The following MCPH1 variants were observed in gnomAD, a reference collection of about 807,000 sequenced individuals.
MCPH1 encodes the protein microcephalin.
A neutral mutation model predicts 84.5 loss-of-function variants in MCPH1; 104 were observed. That is an observed-to-expected ratio of 1.23 (90% CI 1.05 to 1.45). MCPH1 has a LOEUF of 1.45. MCPH1 is among the 40% of genes most tolerant of loss of function. The probability of loss-of-function intolerance (pLI) is 0.00; values close to 1 mark genes in which losing one functional copy is unlikely to be tolerated. For missense variants in MCPH1, 1,498 were observed against 1,005.7 expected (o/e 1.49, Z -6.62); for synonymous variants, 514 against 366.8 (o/e 1.40, Z -4.58).
chr8:6,521,167 T>C (rs1817261941), intron 12 of MCPH1: 1 of 1,606,534 alleles, frequency 6.2e-7, no homozygotes, highest in Non-Finnish European at 8.5e-7. Context: ...AAGCATGATA[T>C]GTAAACTTAC....
intron 12 of MCPH1, chr8:6,502,848 C>A: frequency 2.2e-6 from 1 of 448,728 alleles, no homozygotes; most frequent in Admixed American, 3.9e-5. Context: ...TTCTCAGCCT[C>A]GGGTTCATCT....
chr8:6,582,166 A>C (rs904811176), intron 12 of MCPH1, among the ~76,000 whole-genome samples: 1 of 152,212 alleles, frequency 6.6e-6, no homozygotes, highest in Non-Finnish European at 1.5e-5. Context: ...CTGCCTTCAC[A>C]TCTAACGTCA....
At position 6,437,407 on chromosome 8, in the gene MCPH1, T is replaced by G. The variant is rs567953637; in HGVS notation, c.436+1245T>G. On this transcript the variant is annotated intron_variant, in intron 5 of 13. Coordinates refer to ENST00000344683, the MANE Select transcript of MCPH1 (RefSeq NM_024596.5). ...CACCACGCCCAGCTGATTTTTGTAT[T>G]TTTAGTAGAAACAGGGTTTCACCAT... Among the ~76,000 whole-genome samples the G allele has an allele frequency of 7.9e-5, 12 of 152,140 alleles. No homozygotes were observed. The South Asian group carries it at 1.9e-3, about 24-fold the overall frequency.
chr8:6,642,997 C>T lies in MCPH1; in HGVS notation c.2456C>T (p.Ser819Phe). Residue 819 changes from serine (S) to phenylalanine (F), a missense_variant, in exon 14 of 14, where the codon TCC (serine) becomes TTC (phenylalanine). Transcript: ENST00000344683. The stretch of plus-strand genomic sequence containing the variant: ...CTGCTTTTCGCTCTCTCTCTAGATT[C>T]CATCACCCAGCACAAGGTCTGTGCC... ...KYLSEKWVLD[S>F]ITQHKVCAPE... 6.2e-7 allele frequency: 1 copy of T among 1,614,008 alleles called. No homozygotes were observed. The highest frequency in any genetic ancestry group is 8.5e-7 in the Non-Finnish European group (1 of 1,179,912).
intron 9 of MCPH1, among the ~76,000 whole-genome samples, chr8:6,471,493 C>T (rs2440396): frequency 0.79 from 120,328 of 152,176 alleles, 48,242 homozygotes; most frequent in Admixed American, 0.85. Flanking sequence ...TATAAAAGCA[C>T]AGTCGACTGA....
Position 6,521,068 on chromosome 8 carries a change from A to T in MCPH1, c.2214+21139A>T, listed in dbSNP as rs116560801. The T allele has an allele frequency of 2.9e-3, 2,090 of 723,220 alleles. 26 individuals carry two copies. In the African/African-American group the frequency reaches 0.034, roughly 12 times the overall value. The allele number at this position is 723,220 out of a possible 1,614,324, so 44.8% of individuals were successfully genotyped here. A position where few individuals can be genotyped will look rare whatever the true frequency, so the allele number is the denominator to read the frequency against. On this transcript the variant is annotated intron_variant, in intron 12 of 13. Coordinates refer to ENST00000344683, the MANE Select transcript of MCPH1 (RefSeq NM_024596.5). ...TTTAATTGGTAGATATTTCATATGA[A>T]ATATATGAGAAATAGCGCCTTTTCT... is the stretch of plus-strand genomic sequence containing the variant.
At chr8:6,622,379 G>A (rs575374757) in intron 13 of MCPH1, among the ~76,000 whole-genome samples, 1 of 152,186 alleles carries the variant, frequency 6.6e-6, no homozygotes, top group Non-Finnish European at 1.5e-5. Context: ...CGGAGAAGAG[G>A]GTTAAGGAAG....
At chr8:6,406,836 TCCTCCCC>T in intron 1 of MCPH1, 147 bp downstream of exon 1, 1 of 590,718 alleles carries the variant, frequency 1.7e-6, no homozygotes, top group Non-Finnish European at 2.8e-6. Flanking sequence ...GCCGCCTCCT[TCCTCCCC>T]CGCTGCCTGT....
At chr8:6,610,266 C>A (rs570554113) in intron 12 of MCPH1, among the ~76,000 whole-genome samples, 1 of 152,180 alleles carries the variant, frequency 6.6e-6, no homozygotes, top group Non-Finnish European at 1.5e-5. Context: ...AGACAGAAGG[C>A]GGTTTGGAAA....
At chr8:6,639,981 C>A (rs1797821368) in intron 13 of MCPH1, among the ~76,000 whole-genome samples, 1 of 151,964 alleles carries the variant, frequency 6.6e-6, no homozygotes, top group Non-Finnish European at 1.5e-5. Flanking sequence ...TCAAGCAGTC[C>A]TCCCACCTTA....
intron 13 of MCPH1, among the ~76,000 whole-genome samples, chr8:6,623,978 G>A (rs1038360895): frequency 6.6e-5 from 10 of 152,344 alleles, no homozygotes; most frequent in East Asian, 1.9e-4. Context: ...TTTGCAAAGC[G>A]TGTGCCGTGC....
chr8:6,449,491 G>T (rs1348059403), intron 8 of MCPH1, among the ~76,000 whole-genome samples: 1 of 152,142 alleles, frequency 6.6e-6, no homozygotes, highest in African/African-American at 2.4e-5. Flanking sequence ...AAATTAGCCA[G>T]GCGTGGTGGC....
chr8:6,577,858 C>G (rs963205069), intron 12 of MCPH1, among the ~76,000 whole-genome samples: 1 of 152,208 alleles, frequency 6.6e-6, no homozygotes, highest in African/African-American at 2.4e-5. Flanking sequence ...GCTAAGTGAT[C>G]CAGAGCTGAA....
intron 9 of MCPH1, among the ~76,000 whole-genome samples, chr8:6,457,826 G>A (rs2979647): frequency 6.6e-6 from 1 of 151,912 alleles, no homozygotes; most frequent in African/African-American, 2.4e-5. Flanking sequence ...GTCCTTATTA[G>A]TGTTCACCGC....
chr8:6,599,637 C>G (rs1356198763), intron 12 of MCPH1, among the ~76,000 whole-genome samples: 2 of 152,194 alleles, frequency 1.3e-5, no homozygotes, highest in Non-Finnish European at 2.9e-5. Flanking sequence ...CACACAAGTA[C>G]AACAAATTCT....
Position 6,444,981 on chromosome 8 carries a change from A to G in MCPH1, c.1259A>G (p.Asn420Ser). The G allele has an allele frequency of 6.2e-7, 1 of 1,614,200 alleles. No individual in the cohort carries two copies. The highest frequency in any genetic ancestry group is 1.1e-5 in the South Asian group (1 of 91,088). Residue 420 changes from asparagine (N) to serine (S), a missense_variant, in exon 8 of 14, where the codon AAT becomes AGT. Asn to Ser is a conservative substitution (Grantham distance 46). Transcript: ENST00000344683. Reference protein sequence around the residue: ...SSYDDYFSPDNLKERYSENLP... With the variant: ...SSYDDYFSPDSLKERYSENLP... ...TATGATGACTATTTTTCACCTGATAATCTTAAGGAAAGGTATTCAGAGAAT... is the reference window on the plus strand; with the variant it reads ...TATGATGACTATTTTTCACCTGATAGTCTTAAGGAAAGGTATTCAGAGAAT...
intron 11 of MCPH1, among the ~76,000 whole-genome samples, chr8:6,493,526 G>T (rs1810892475): frequency 6.6e-6 from 1 of 152,178 alleles, no homozygotes; most frequent in Admixed American, 6.6e-5. Context: ...TGGTTGAATA[G>T]GCTGTGTTAG....
At chr8:6,543,216 A>G (rs1234880558) in intron 12 of MCPH1, among the ~76,000 whole-genome samples, 3 of 152,216 alleles carry the variant, frequency 2.0e-5, no homozygotes, top group Admixed American at 6.5e-5. Flanking sequence ...AAGATGCTCA[A>G]AATACACAGG....
intron 9 of MCPH1, among the ~76,000 whole-genome samples, chr8:6,470,925 A>G (rs955030225): frequency 2.0e-5 from 3 of 152,268 alleles, no homozygotes; most frequent in Non-Finnish European, 2.9e-5. Context: ...TCCAGTTAGC[A>G]ATTAGGAAAG....
Sources: allele counts gnomAD v4.1 joint callset (sites outside exome capture counted in the v4.1 genomes callset), GRCh38; gene constraint gnomAD v4.1.1; transcripts MANE v1.5; gene names NCBI Gene and HGNC (gene_info 2026-07-23, HGNC 2026-07-21).